DIAPH3: variants seen among roughly 807,000 people sequenced by gnomAD.
DIAPH3 encodes the protein diaphanous related formin 3.
DIAPH3 carries 117 observed loss-of-function variants against 144.3 expected under a neutral mutation model. The ratio of observed to expected loss-of-function variants is 0.81; its 90% confidence interval spans 0.70 to 0.95. The LOEUF (loss-of-function observed/expected upper bound fraction) is 0.95, where lower values mean the gene tolerates loss of function less well. Ranked by LOEUF, DIAPH3 falls within the 40% of genes least tolerant of loss-of-function variation. The probability of loss-of-function intolerance (pLI) is 0.00; values close to 1 mark genes in which losing one functional copy is unlikely to be tolerated. For missense variants in DIAPH3, 1,421 were observed against 1,412.7 expected (o/e 1.01, Z -0.09); for synonymous variants, 519 against 488.9 (o/e 1.06, Z -0.81).
chr13:59,797,296 C>T (rs1206106714), intron 25 of DIAPH3, among the ~76,000 whole-genome samples: 2 of 152,106 alleles, frequency 1.3e-5, no homozygotes, highest in East Asian at 1.9e-4. Flanking sequence ...GGGACACTCG[C>T]TTGTTTTATT....
intron 17 of DIAPH3, among the ~76,000 whole-genome samples, chr13:59,952,740 A>G (rs2049165887): frequency 6.6e-6 from 1 of 152,164 alleles, no homozygotes; most frequent in Non-Finnish European, 1.5e-5. Context: ...TCATTTAAAT[A>G]TTTCTACTCC....
chr13:59,874,279 T>A, intron 21 of DIAPH3, among the ~76,000 whole-genome samples: 1 of 152,190 alleles, frequency 6.6e-6, no homozygotes, highest in Non-Finnish European at 1.5e-5. Context: ...AGGTTGCTAA[T>A]CAATGTCATC....
intron 2 of DIAPH3, among the ~76,000 whole-genome samples, chr13:60,120,754 C>A (rs2058824983): frequency 6.6e-6 from 1 of 152,132 alleles, no homozygotes; most frequent in South Asian, 2.1e-4. Context: ...CACCCACTTG[C>A]CAGTCATGAG....
At chr13:60,086,004 C>A (rs958736116) in intron 4 of DIAPH3, among the ~76,000 whole-genome samples, 3 of 152,082 alleles carry the variant, frequency 2.0e-5, no homozygotes, top group Admixed American at 6.5e-5. Flanking sequence ...TTAACCAACT[C>A]AGGATCTAAT....
At chr13:59,704,795 A>G (rs917943304) in intron 27 of DIAPH3, among the ~76,000 whole-genome samples, 12 of 152,168 alleles carry the variant, frequency 7.9e-5, no homozygotes, top group Non-Finnish European at 1.8e-4. Flanking sequence ...GGTATGCTCT[A>G]TTATGTTCGC....
At chr13:59,839,473 C>T (rs766959208) in intron 22 of DIAPH3, 25 bp from the exon 23 acceptor site, 14 of 1,607,364 alleles carry the variant, frequency 8.7e-6, no homozygotes, top group African/African-American at 2.7e-5. Flanking sequence ...ATTAAATGCC[C>T]GGAAAGGACA....
intron 20 of DIAPH3, among the ~76,000 whole-genome samples, chr13:59,888,180 G>A (rs1286136296): frequency 3.9e-5 from 6 of 152,098 alleles, no homozygotes; most frequent in African/African-American, 1.4e-4. Context: ...GGGGTGATTG[G>A]ATCATGAGGG....
rs1594665677 is a variant in DIAPH3, at chr13:60,100,514, G to T, written c.391-6782C>A. Among the ~76,000 whole-genome samples, 3 of 152,202 alleles carry T rather than the reference G, an allele frequency of 2.0e-5. No homozygotes were observed. In the Middle Eastern group the frequency reaches 0.01, roughly 518 times the overall value. ...GGTGGGAAAGCTGGCAAAATCTGAA[G>T]CAAGTCTGTAGTTTAGTTAGCAATA... On this transcript the variant is annotated intron_variant, in intron 3 of 27. Transcript: ENST00000400324.
chr13:60,026,313 AT>A (rs2054369432), intron 5 of DIAPH3, among the ~76,000 whole-genome samples: 1 of 152,154 alleles, frequency 6.6e-6, no homozygotes, highest in South Asian at 2.1e-4. Flanking sequence ...AAGCGTAATG[AT>A]TTGGAAAGCT....
At chr13:60,095,193 C>T (rs1365718511) in intron 3 of DIAPH3, among the ~76,000 whole-genome samples, 1 of 152,098 alleles carries the variant, frequency 6.6e-6, no homozygotes, top group Non-Finnish European at 1.5e-5. Flanking sequence ...AGCCTAGACT[C>T]GAATTCAATG....
Position 59,983,858 on chromosome 13 carries a change from C to A in DIAPH3, c.1391G>T (p.Cys464Phe), listed in dbSNP as rs1161365116. Residue 464 changes from cysteine (C) to phenylalanine (F), a missense_variant, in exon 13 of 28, where the codon TGT becomes TTT. Physicochemically the swap from Cys to Phe is radical, Grantham distance 205 (BLOSUM62 -2). Transcript: ENST00000400324. ...TCTATGCAATACAATCTGGGATACA[C>A]ACTCATCAATTAATTTGAAGTATTG... ...RQQYFKLIDE[C>F]VSQIVLHRDG... The A allele has an allele frequency of 6.2e-7, 1 of 1,608,574 alleles. No individual in the cohort carries two copies. The highest frequency in any genetic ancestry group is 8.5e-7 in the Non-Finnish European group (1 of 1,176,088).
intron 20 of DIAPH3, among the ~76,000 whole-genome samples, chr13:59,889,839 G>GT (rs1263693012): frequency 6.6e-6 from 1 of 151,526 alleles, no homozygotes; most frequent in Non-Finnish European, 1.5e-5. Context: ...AGTAAGATTT[G>GT]TTTTCTTAGA....
At chr13:59,995,833 T>C (rs908376463) in intron 9 of DIAPH3, among the ~76,000 whole-genome samples, 5 of 151,918 alleles carry the variant, frequency 3.3e-5, no homozygotes, top group African/African-American at 1.2e-4. Flanking sequence ...ATAAAGCAAT[T>C]GCCATAGCAA....
chr13:59,680,263 T>A (rs1162952823), intron 27 of DIAPH3, among the ~76,000 whole-genome samples: 3 of 152,190 alleles, frequency 2.0e-5, no homozygotes, highest in Non-Finnish European at 4.4e-5. Flanking sequence ...ATCAGGATTT[T>A]AAAAATATTT....
Position 59,970,937 on chromosome 13 carries a change from G to A in DIAPH3, c.1874C>T (p.Pro625Leu), listed in dbSNP as rs1463150390. The change falls in exon 16 of 28, where the codon CCT (proline) becomes CTT (leucine). Residue 625 changes from proline (P) to leucine (L), a missense_variant. Transcript: ENST00000400324. ...CCCAAATGGCAGGATTGGTAGAGGA[G>A]GAGAATTTTGTCCTCCAAGGAATCC... Reference protein sequence around the residue: ...PLGFLGGQNSPPLPILPFGLK... With the variant: ...PLGFLGGQNSLPLPILPFGLK... The A allele has an allele frequency of 1.2e-6, 2 of 1,613,912 alleles. No individual in the cohort carries two copies. Among genetic ancestry groups the A allele is most frequent in the East Asian group, 2.2e-5 (1 of 44,844 alleles).
chr13:59,777,357 A>C (rs1199804974), intron 25 of DIAPH3, among the ~76,000 whole-genome samples: 1 of 152,172 alleles, frequency 6.6e-6, no homozygotes, highest in Non-Finnish European at 1.5e-5. Flanking sequence ...TGATACTAAA[A>C]AATACATAGT....
chr13:60,142,882 G>A (rs1241770474), intron 1 of DIAPH3, among the ~76,000 whole-genome samples: 1 of 151,660 alleles, frequency 6.6e-6, no homozygotes. Flanking sequence ...CAAGTAGCTG[G>A]GATTACAAGA....
Position 59,667,011 on chromosome 13 carries a change from C to T in DIAPH3, c.3320-165G>A, listed in dbSNP as rs895153033. On this transcript the variant is annotated intron_variant, in intron 27 of 27. Coordinates refer to ENST00000400324, the MANE Select transcript of DIAPH3 (RefSeq NM_001042517.2). ...GAGTAAGACAGGTTTAAAATAATCA[C>T]ACAGGGGTTTAAGAATAAACTAAAA... Among the ~76,000 whole-genome samples, 75 of 152,184 alleles carry T rather than the reference C, an allele frequency of 4.9e-4. 1 individual carries two copies. The highest frequency in any genetic ancestry group is 1.8e-3 in the African/African-American group (74 of 41,446).
chr13:60,158,433 A>T (rs1254597553), intron 1 of DIAPH3, among the ~76,000 whole-genome samples: 2 of 152,158 alleles, frequency 1.3e-5, no homozygotes, highest in Non-Finnish European at 2.9e-5. Context: ...TACATTAATG[A>T]GTTGGGTTAC....
Sources: allele counts gnomAD v4.1 joint callset (sites outside exome capture counted in the v4.1 genomes callset), GRCh38; gene constraint gnomAD v4.1.1; transcripts MANE v1.5; gene names NCBI Gene and HGNC (gene_info 2026-07-23, HGNC 2026-07-21).